PTPRD: variants seen among roughly 807,000 people sequenced by gnomAD.
PTPRD encodes protein tyrosine phosphatase receptor type D.
In PTPRD, 34 loss-of-function variants were observed where a neutral mutation model predicts 214.5. The ratio of observed to expected loss-of-function variants is 0.16; its 90% CI spans 0.12 to 0.21. The LOEUF (loss-of-function observed/expected upper bound fraction) is 0.21, where lower values mean the gene tolerates loss of function less well. PTPRD is among the 10% of genes least tolerant of loss of function. PTPRD has a pLI of 1.00. For synonymous variants in PTPRD, 1,128 were observed against 845.7 expected, an observed-to-expected ratio of 1.33 and a Z score of -5.79; for missense variants, 2,545 against 2,398.7, an observed-to-expected ratio of 1.06 and a Z score of -1.27.
At chr9:10,364,923 T>C (rs2154473397) in intron 2 of PTPRD, among the ~76,000 whole-genome samples, 1 of 152,326 alleles carries the variant, frequency 6.6e-6, no homozygotes. Context: ...AGTAAACATA[T>C]CAATCTCCTA....
chr9:10,601,218 C>G (rs1007107075), intron 2 of PTPRD, among the ~76,000 whole-genome samples: 6 of 151,458 alleles, frequency 4.0e-5, no homozygotes, highest in Non-Finnish European at 8.9e-5. Context: ...AAGGTAGAGT[C>G]AGGGAGACAG....
chr9:9,394,366 T>A (rs2066963914), intron 9 of PTPRD, among the ~76,000 whole-genome samples: 1 of 152,164 alleles, frequency 6.6e-6, no homozygotes, highest in Non-Finnish European at 1.5e-5. Context: ...CCTAGTGCCT[T>A]AAAAATTGCC....
At chr9:9,648,003 C>G (rs1310866903) in intron 7 of PTPRD, among the ~76,000 whole-genome samples, 1 of 152,056 alleles carries the variant, frequency 6.6e-6, no homozygotes, top group Non-Finnish European at 1.5e-5. Flanking sequence ...AAAACTATTC[C>G]TTAAACATAG....
At chr9:9,037,725 A>G (rs1029642428) in intron 10 of PTPRD, among the ~76,000 whole-genome samples, 1 of 152,170 alleles carries the variant, frequency 6.6e-6, no homozygotes, top group African/African-American at 2.4e-5. Flanking sequence ...GGCCACAGGG[A>G]AATCCACAGA....
intron 10 of PTPRD, among the ~76,000 whole-genome samples, chr9:9,039,145 C>G (rs1159311453): frequency 6.6e-6 from 1 of 152,136 alleles, no homozygotes; most frequent in East Asian, 1.9e-4. Flanking sequence ...CTATACAAAG[C>G]TATACCTTAA....
At chr9:8,842,809 G>A (rs1601620475) in intron 11 of PTPRD, among the ~76,000 whole-genome samples, 1 of 152,168 alleles carries the variant, frequency 6.6e-6, no homozygotes, top group Admixed American at 6.5e-5. Context: ...AAGAGCAGGA[G>A]GAAAGATGCC....
At chr9:9,730,121 G>C (rs1219262358) in intron 7 of PTPRD, among the ~76,000 whole-genome samples, 2 of 151,972 alleles carry the variant, frequency 1.3e-5, no homozygotes, top group Non-Finnish European at 2.9e-5. Flanking sequence ...ACATATAAAA[G>C]AAATACACTT....
intron 7 of PTPRD, among the ~76,000 whole-genome samples, chr9:9,680,460 A>C (rs908698865): frequency 1.3e-5 from 2 of 151,920 alleles, no homozygotes; most frequent in African/African-American, 4.8e-5. Flanking sequence ...TTAAAAGTTC[A>C]TAACACAAAT....
chr9:8,861,688 A>G lies in PTPRD; in HGVS notation c.-103-127742T>C, dbSNP rs144150787. ...ATTTTCACTTCTATAGTGATGATAA[A>G]TTATTGACCAAGGTATGGAATAAAT... On this transcript the variant is annotated intron_variant, in intron 11 of 45. Coordinates refer to ENST00000381196, the MANE Select transcript of PTPRD (RefSeq NM_002839.4). 2.2e-3 allele frequency: 335 copies of G among 152,352 alleles called. 4 individuals are homozygous for G. Among genetic ancestry groups the G allele is most frequent in the African/African-American group, 7.6e-3 (316 of 41,580 alleles). The allele number at this position is 152,352 out of a possible 1,614,324, so 9.4% of individuals were successfully genotyped here.
At chr9:8,480,242 G>A (rs901904508) in intron 30 of PTPRD, among the ~76,000 whole-genome samples, 16 of 152,120 alleles carry the variant, frequency 1.1e-4, no homozygotes, top group African/African-American at 3.9e-4. Flanking sequence ...CACCATCAGA[G>A]ACGCTCTATC....
At chr9:8,596,186 T>C (rs1168449752) in intron 14 of PTPRD, among the ~76,000 whole-genome samples, 3 of 152,036 alleles carry the variant, frequency 2.0e-5, no homozygotes, top group Non-Finnish European at 2.9e-5. Flanking sequence ...AAAAATAATA[T>C]AGTATTTTGC....
chr9:8,553,474 A>G (rs2082723162), intron 14 of PTPRD, among the ~76,000 whole-genome samples: 1 of 152,210 alleles, frequency 6.6e-6, no homozygotes, highest in African/African-American at 2.4e-5. Context: ...CCACTCTAAA[A>G]TAATTAAATC....
At chr9:9,427,705 GCT>G (rs2081485889) in intron 8 of PTPRD, among the ~76,000 whole-genome samples, 3 of 152,218 alleles carry the variant, frequency 2.0e-5, no homozygotes, top group Non-Finnish European at 4.4e-5. Context: ...CAGACTAACA[GCT>G]GATCTCTCGG....
intron 39 of PTPRD, among the ~76,000 whole-genome samples, chr9:8,349,778 T>C (rs1489340012): frequency 6.6e-6 from 1 of 152,190 alleles, no homozygotes; most frequent in Non-Finnish European, 1.5e-5. Flanking sequence ...CAAGTTTAAA[T>C]GGAGTCTAGC....
intron 9 of PTPRD, among the ~76,000 whole-genome samples, chr9:9,273,088 T>G (rs901370254): frequency 1.3e-5 from 2 of 151,368 alleles, no homozygotes; most frequent in Admixed American, 1.3e-4. Context: ...TTGAGTTTTG[T>G]GCATTAGAAG....
chr9:9,301,785 A>AT (rs1955409747), intron 9 of PTPRD, among the ~76,000 whole-genome samples: 1 of 151,908 alleles, frequency 6.6e-6, no homozygotes, highest in Non-Finnish European at 1.5e-5. Context: ...AATTGCTGTA[A>AT]TGGGTCCTAA....
chr9:10,209,538 C>A (rs1207466837), intron 3 of PTPRD, among the ~76,000 whole-genome samples: 1 of 152,122 alleles, frequency 6.6e-6, no homozygotes, highest in Non-Finnish European at 1.5e-5. Flanking sequence ...TCGCATAGAA[C>A]TGGATTCCAG....
chr9:10,007,520 T>A (rs947532315), intron 4 of PTPRD, among the ~76,000 whole-genome samples: 1 of 151,960 alleles, frequency 6.6e-6, no homozygotes, highest in African/African-American at 2.4e-5. Context: ...GTTTGGATGG[T>A]TTGGGCACTA....
At chr9:9,125,486 G>C (rs938606758) in intron 10 of PTPRD, among the ~76,000 whole-genome samples, 1 of 152,074 alleles carries the variant, frequency 6.6e-6, no homozygotes, top group Non-Finnish European at 1.5e-5. Context: ...CCCTCACAGT[G>C]CTGCAATTGT....
Sources: allele counts gnomAD v4.1 joint callset (sites outside exome capture counted in the v4.1 genomes callset), GRCh38; gene constraint gnomAD v4.1.1; transcripts MANE v1.5; gene names NCBI Gene and HGNC (gene_info 2026-07-23, HGNC 2026-07-21).